Variants in NAV3 observed in about 807,000 individuals in gnomAD.
NAV3 encodes the protein pore membrane and/or filament interacting like protein 1.
In NAV3, 87 loss-of-function variants were observed where a neutral mutation model predicts 244.7. The observed-to-expected ratio is 0.36, with a 90% CI of 0.30 to 0.42. The LOEUF is 0.42. Among genes scored for constraint, NAV3 ranks in the 20% least tolerant of loss-of-function variants. The pLI, the probability that NAV3 is intolerant of heterozygous loss-of-function variation, is 1.00. For synonymous variants in NAV3, 1,126 were observed against 1,042.2 expected, an observed-to-expected ratio of 1.08 and a Z score of -1.55; for missense variants, 2,663 against 2,893.3, an observed-to-expected ratio of 0.92 and a Z score of 1.83.
intron 38 of NAV3, among the ~76,000 whole-genome samples, chr12:78,204,707 A>C (rs1192433361): frequency 6.6e-6 from 1 of 152,078 alleles, no homozygotes; most frequent in East Asian, 1.9e-4. Flanking sequence ...CCAAAAGTTG[A>C]CATCTATTCC....
chr12:78,212,404 G>A lies in NAV3; in HGVS notation c.*1887G>A, dbSNP rs1230965458. 16 of 152,628 alleles carry A rather than the reference G, an allele frequency of 1.0e-4. No homozygotes were observed. The highest frequency in any genetic ancestry group is 2.9e-5 in the Non-Finnish European group (2 of 68,046). 9.5% of individuals were successfully genotyped at this position (152,628 alleles called of 1,614,324 possible). On this transcript the variant is annotated 3_prime_UTR_variant, in exon 40 of 40. Coordinates refer to ENST00000397909, the MANE Select transcript of NAV3 (RefSeq NM_001024383.2). ...AGTTGCTATAGAACAACAACACCAC[G>A]AAACATCTGTGCAGTTTTCAGAGTG...
At chr12:78,108,573 A>G (rs1404245375) in intron 12 of NAV3, among the ~76,000 whole-genome samples, 1 of 152,170 alleles carries the variant, frequency 6.6e-6, no homozygotes, top group Non-Finnish European at 1.5e-5. Flanking sequence ...ATCATGTCTC[A>G]GCAATTTTTT....
intron 1 of NAV3, among the ~76,000 whole-genome samples, chr12:77,880,234 A>G (rs1882452936): frequency 6.6e-6 from 1 of 152,040 alleles, no homozygotes; most frequent in African/African-American, 2.4e-5. Context: ...CTCTTATTTT[A>G]TTTTTCATTT....
At chr12:77,869,789 T>C (rs1395828651) in intron 1 of NAV3, among the ~76,000 whole-genome samples, 1 of 152,220 alleles carries the variant, frequency 6.6e-6, no homozygotes, top group African/African-American at 2.4e-5. Context: ...AATATCTTTC[T>C]TCTCCTTTAG....
Position 78,051,087 on chromosome 12 carries a change from G to A in NAV3, c.2456G>A (p.Gly819Glu), listed in dbSNP as rs1306578629. 1 of 1,614,076 alleles carries A rather than the reference G, an allele frequency of 6.2e-7. No individual in the cohort carries two copies. Among genetic ancestry groups the A allele is most frequent in the Non-Finnish European group, 8.5e-7 (1 of 1,179,988 alleles). The change falls in exon 11 of 40, where the codon GGA becomes GAA. Residue 819 changes from glycine (G) to glutamate (E), a missense_variant. Physicochemically the swap from Gly to Glu is moderately conservative, Grantham distance 98. This residue lies in a region of NAV3 where 1,521 missense variants were observed against 1,497.0 expected (regional missense o/e 1.02). Transcript: ENST00000397909. Reference protein sequence around the residue: ...LDMSSEVDVGGYMSDGDILGK... With the variant: ...LDMSSEVDVGEYMSDGDILGK... ...ATGTCTTCTGAGGTCGATGTGGGTGGATATATGAGTGATGGTGATATCCTT... is the reference window on the plus strand; with the variant it reads ...ATGTCTTCTGAGGTCGATGTGGGTGAATATATGAGTGATGGTGATATCCTT...
chr12:77,849,715 G>A (rs1476375168), intron 1 of NAV3, among the ~76,000 whole-genome samples: 1 of 152,104 alleles, frequency 6.6e-6, no homozygotes, highest in Non-Finnish European at 1.5e-5. Flanking sequence ...CTGGTCCCAA[G>A]AATTTTAGAT....
At chr12:78,115,665 T>G (rs1305805503) in intron 12 of NAV3, among the ~76,000 whole-genome samples, 5 of 152,200 alleles carry the variant, frequency 3.3e-5, no homozygotes, top group Non-Finnish European at 1.5e-5. Flanking sequence ...AAGATTATAA[T>G]AACATATTTT....
chr12:77,630,390 C>T (rs1871836605), intron 2 of NAV3, among the ~76,000 whole-genome samples: 1 of 152,152 alleles, frequency 6.6e-6, no homozygotes, highest in African/African-American at 2.4e-5. Context: ...CCAGGAGTTG[C>T]ACCATCCTTC....
intron 1 of NAV3, among the ~76,000 whole-genome samples, chr12:77,888,956 T>C (rs2136713455): frequency 6.6e-6 from 1 of 152,266 alleles, no homozygotes; most frequent in Non-Finnish European, 1.5e-5. Context: ...ACAGATTTGG[T>C]CAATTGAGTG....
chr12:77,634,105 A>C (rs1872045454), intron 2 of NAV3, among the ~76,000 whole-genome samples: 1 of 133,506 alleles, frequency 7.5e-6, no homozygotes, highest in African/African-American at 2.9e-5. Context: ...TCTTGTTTCC[A>C]ACCACCTTGG....
chr12:77,841,719 C>T (rs1413707453), intron 1 of NAV3, among the ~76,000 whole-genome samples: 1 of 152,130 alleles, frequency 6.6e-6, no homozygotes, highest in African/African-American at 2.4e-5. Context: ...CAAAGACTAA[C>T]ATATATACTA....
At chr12:77,756,230 T>C (rs1869171233) in intron 2 of NAV3, among the ~76,000 whole-genome samples, 1 of 152,202 alleles carries the variant, frequency 6.6e-6, no homozygotes, top group African/African-American at 2.4e-5. Flanking sequence ...ATTATTGTTA[T>C]TAAAAGCAAG....
At chr12:77,947,329 A>G (rs1890447424) in intron 3 of NAV3, 1 of 151,880 alleles carries the variant, frequency 6.6e-6, no homozygotes, top group South Asian at 2.1e-4. Context: ...GTAAAAAAAA[A>G]GCCCATGCTT....
intron 18 of NAV3, 47 bp downstream of exon 18, chr12:78,128,913 C>T (rs1326886373): frequency 6.4e-7 from 1 of 1,559,884 alleles, no homozygotes. Flanking sequence ...TTTCACCACC[C>T]ACTCTCACAG....
intron 2 of NAV3, among the ~76,000 whole-genome samples, chr12:77,819,494 A>G (rs1222276508): frequency 6.7e-6 from 1 of 149,952 alleles, no homozygotes; most frequent in Non-Finnish European, 1.5e-5. Flanking sequence ...TCAATTCACT[A>G]AAATGTAGCT....
chr12:77,778,497 A>G (rs1870496790), intron 2 of NAV3, among the ~76,000 whole-genome samples: 1 of 151,424 alleles, frequency 6.6e-6, no homozygotes, highest in African/African-American at 2.4e-5. Context: ...CTGTATTCCC[A>G]GCTACTCGGG....
intron 2 of NAV3, among the ~76,000 whole-genome samples, chr12:77,769,365 A>G (rs1253220312): frequency 6.6e-6 from 1 of 152,238 alleles, no homozygotes; most frequent in Non-Finnish European, 1.5e-5. Flanking sequence ...TTTATCAGTA[A>G]TAGCTAACAG....
rs1281958322 is a variant in NAV3, at chr12:77,982,395, C to T, written c.672-12408C>T. 3.3e-5 allele frequency among the ~76,000 whole-genome samples: 2 copies of T among 61,166 alleles called. 1 individual carries two copies. Among genetic ancestry groups the T allele is most frequent in the Admixed American group, 4.0e-4 (2 of 4,996 alleles). The allele number at this position is 61,166 out of a possible 152,430, so 40.1% of individuals were successfully genotyped here. A position where few individuals can be genotyped will look rare whatever the true frequency, so the allele number is the denominator to read the frequency against. On this transcript the variant is annotated intron_variant, in intron 5 of 39. Transcript: ENST00000397909. ...GATAAAGTGATGTTCCTCTTCAAAT[C>T]ACCCACAATCTTATAGAGTACCTAA...
At chr12:77,622,784 G>T (rs1035698392) in intron 2 of NAV3, among the ~76,000 whole-genome samples, 1 of 152,000 alleles carries the variant, frequency 6.6e-6, no homozygotes, top group Non-Finnish European at 1.5e-5. Context: ...GAAACATAAA[G>T]TTGGATGACA....
Sources: gnomAD v4.1 joint callset for allele counts (sites outside exome capture counted in the v4.1 genomes callset) on GRCh38, gnomAD v4.1.1 for gene constraint, gnomAD v4.1.1 regional missense constraint, MANE v1.5 for transcripts, NCBI Gene and HGNC (gene_info 2026-07-23, HGNC 2026-07-21) for gene names.